ZNF487: variants seen among roughly 807,000 people sequenced by gnomAD.
ZNF487 encodes KRAB domain only 1.
A neutral mutation model predicts 3.0 loss-of-function variants in ZNF487; 4 were observed. That is an observed-to-expected ratio of 1.35 (90% confidence interval 0.66 to 3.08). The LOEUF is 3.08. Among genes scored for constraint, ZNF487 ranks in the 30% most tolerant of loss-of-function variants. The pLI is 0.01. For missense variants in ZNF487, 146 were observed against 98.7 expected, an observed-to-expected ratio of 1.48 and a Z score of -2.03; for synonymous variants, 55 against 34.6, an observed-to-expected ratio of 1.59 and a Z score of -2.06.
the ZNF487 span, among the ~76,000 whole-genome samples, chr10:43,491,979 G>C: frequency 6.6e-6 from 1 of 151,714 alleles, no homozygotes; most frequent in South Asian, 2.1e-4. Context: ...CTGTTGCCAG[G>C]CTGAAGTGCA....
chr10:43,516,904 C>T, the ZNF487 span, among the ~76,000 whole-genome samples: 58 of 152,272 alleles, frequency 3.8e-4, no homozygotes, highest in Middle Eastern at 6.8e-3. Context: ...TGTTCAGAGC[C>T]TATTTCAACA....
At chr10:43,484,535 A>C (rs1395803995), downstream of ZNF487, among the ~76,000 whole-genome samples, 2 of 151,940 alleles carry the variant, frequency 1.3e-5, no homozygotes, top group Admixed American at 1.3e-4. Flanking sequence ...TGAACCTGGG[A>C]GGTGGAGGTT....
intron 1 of ZNF487, among the ~76,000 whole-genome samples, chr10:43,437,849 T>A (rs1398341691): frequency 6.6e-6 from 1 of 151,942 alleles, no homozygotes; most frequent in Non-Finnish European, 1.5e-5. Flanking sequence ...TTGGAAATAT[T>A]TATTTATTTA....
upstream of ZNF487, chr10:43,437,018 C>T (rs936836397): frequency 1.1e-5 from 4 of 376,362 alleles, no homozygotes; most frequent in Non-Finnish European, 2.2e-5. Flanking sequence ...CCGCTAGGCA[C>T]GCGGGAGCAG....
intron 3 of ZNF487, among the ~76,000 whole-genome samples, chr10:43,477,166 A>G (rs2132139874): frequency 1.3e-5 from 2 of 152,012 alleles, no homozygotes; most frequent in East Asian, 3.9e-4. Context: ...ATTGTGTTCT[A>G]AAATCCTTTC....
intron 1 of ZNF487, among the ~76,000 whole-genome samples, chr10:43,466,910 C>G (rs951455341): frequency 5.9e-5 from 9 of 152,082 alleles, no homozygotes; most frequent in African/African-American, 2.2e-4. Context: ...CTCTTGTTGT[C>G]CAGGCTGGAT....
chr10:43,469,861 A>G (rs1840841578), intron 1 of ZNF487, among the ~76,000 whole-genome samples: 1 of 151,912 alleles, frequency 6.6e-6, no homozygotes, highest in African/African-American at 2.4e-5. Flanking sequence ...GAGGCATGAG[A>G]ATTTCTTGAA....
At chr10:43,448,179 C>T (rs1042361250) in intron 1 of ZNF487, among the ~76,000 whole-genome samples, 3 of 151,636 alleles carry the variant, frequency 2.0e-5, no homozygotes, top group East Asian at 3.9e-4. Context: ...TTTGTAGAGA[C>T]GGGGTTTCAC....
At chr10:43,461,759 T>C (rs1286866131) in intron 1 of ZNF487, among the ~76,000 whole-genome samples, 2 of 152,234 alleles carry the variant, frequency 1.3e-5, no homozygotes, top group South Asian at 2.1e-4. Flanking sequence ...TGAATTTTTC[T>C]AGGGTCTGGC....
chr10:43,509,845 T>C, the ZNF487 span, among the ~76,000 whole-genome samples: 2 of 152,074 alleles, frequency 1.3e-5, no homozygotes, highest in Non-Finnish European at 2.9e-5. Flanking sequence ...TATCCTTCAA[T>C]ACAATTAAGT....
At chr10:43,466,158 G>T (rs1468913209) in intron 1 of ZNF487, among the ~76,000 whole-genome samples, 2 of 25,210 alleles carry the variant, frequency 7.9e-5, no homozygotes, top group Non-Finnish European at 1.7e-4. Context: ...GCTTCGGCTC[G>T]GCATCAGAGG....
chr10:43,515,266 G>A, the ZNF487 span, among the ~76,000 whole-genome samples: 1 of 152,166 alleles, frequency 6.6e-6, no homozygotes, highest in Non-Finnish European at 1.5e-5. Flanking sequence ...GGGGCCTGTT[G>A]GGACTTTAGT....
chr10:43,442,547 G>A (rs1839654500), intron 1 of ZNF487, among the ~76,000 whole-genome samples: 1 of 152,050 alleles, frequency 6.6e-6, no homozygotes, highest in Non-Finnish European at 1.5e-5. Flanking sequence ...GGGTTGAAAT[G>A]ATTCTCCTTC....
intron 1 of ZNF487, among the ~76,000 whole-genome samples, chr10:43,446,520 G>A (rs926593587): frequency 2.7e-5 from 4 of 150,292 alleles, no homozygotes; most frequent in African/African-American, 9.8e-5. Flanking sequence ...TCCCAGACGG[G>A]GTGGCGGCCG....
the ZNF487 span, among the ~76,000 whole-genome samples, chr10:43,507,502 C>T: frequency 6.6e-6 from 1 of 152,304 alleles, no homozygotes; most frequent in East Asian, 1.9e-4. Flanking sequence ...CATGAAGGTG[C>T]AAATCTGTTG....
chr10:43,465,408 G>A (rs1339731793), intron 1 of ZNF487, among the ~76,000 whole-genome samples: 6 of 148,364 alleles, frequency 4.0e-5, no homozygotes, highest in African/African-American at 7.4e-5. Flanking sequence ...GCTGCCGGGC[G>A]GAGGGGCTCC....
At chr10:43,509,296 T>C in the ZNF487 span, among the ~76,000 whole-genome samples, 1 of 103,960 alleles carries the variant, frequency 9.6e-6, no homozygotes, top group Non-Finnish European at 2.1e-5. Context: ...AGCATGAATG[T>C]GAATAGTGCC....
chr10:43,514,230 T>C, the ZNF487 span, among the ~76,000 whole-genome samples: 1 of 152,038 alleles, frequency 6.6e-6, no homozygotes. Flanking sequence ...AACCTCCACT[T>C]CCTGGGTTCA....
the ZNF487 span, among the ~76,000 whole-genome samples, chr10:43,504,328 C>T: frequency 7.8e-6 from 1 of 128,742 alleles, no homozygotes; most frequent in Admixed American, 9.5e-5. Context: ...GAGTCTTGCA[C>T]TGTTGCCCGA....
Sources: gnomAD v4.1 joint callset for allele counts (sites outside exome capture counted in the v4.1 genomes callset) on GRCh38, gnomAD v4.1.1 for gene constraint, MANE v1.5 for transcripts, NCBI Gene and HGNC (gene_info 2026-07-23, HGNC 2026-07-21) for gene names.